Variants in G3BP2 observed in about 807,000 individuals in gnomAD.
G3BP2 encodes the protein G3BP stress granule assembly factor 2, also known as ras GTPase-activating protein-binding protein 2.
A neutral mutation model predicts 56.7 loss-of-function variants in G3BP2; 11 were observed. The ratio of observed to expected loss-of-function variants is 0.19; its 90% CI spans 0.12 to 0.32. The LOEUF (loss-of-function observed/expected upper bound fraction) is 0.32. Among genes scored for constraint, G3BP2 ranks in the 10% least tolerant of loss-of-function variants. The probability of loss-of-function intolerance (pLI) is 1.00; values close to 1 mark genes in which losing one functional copy is unlikely to be tolerated. For missense variants in G3BP2, 340 were observed against 610.9 expected, an observed-to-expected ratio of 0.56 and a Z score of 4.67; for synonymous variants, 165 against 191.6, an observed-to-expected ratio of 0.86 and a Z score of 1.15.
intron 1 of G3BP2, among the ~76,000 whole-genome samples, chr4:75,671,678 T>C (rs577659332): frequency 5.9e-5 from 9 of 152,344 alleles, no homozygotes; most frequent in East Asian, 5.8e-4. Flanking sequence ...CTACAATTCC[T>C]TGACTGCTTT....
intron 1 of G3BP2, among the ~76,000 whole-genome samples, chr4:75,666,745 A>G (rs1166080638): frequency 6.6e-6 from 1 of 151,810 alleles, no homozygotes; most frequent in Non-Finnish European, 1.5e-5. Context: ...TACAAGAAGA[A>G]AGAATTGTGC....
chr4:75,675,455 T>C (rs746602735), upstream of G3BP2, among the ~76,000 whole-genome samples: 63 of 152,184 alleles, frequency 4.1e-4, 1 homozygote, highest in Non-Finnish European at 7.6e-4. Flanking sequence ...TAACAAGTTC[T>C]CAGCTGATGG....
At chr4:75,679,228 T>C (rs1391374601) in intron 3 of G3BP2, among the ~76,000 whole-genome samples, 1 of 152,226 alleles carries the variant, frequency 6.6e-6, no homozygotes, top group Non-Finnish European at 1.5e-5. Context: ...TACTTGAGAA[T>C]CCCAGGGCTC....
chr4:75,662,159 T>C, intron 1 of G3BP2, 110 bp from the exon 2 acceptor site: 1 of 625,108 alleles, frequency 1.6e-6, no homozygotes, highest in Non-Finnish European at 2.9e-6. Flanking sequence ...TGTATACCAA[T>C]TTTAGTGACA....
At chr4:75,704,012 G>GTTTTTTTTTTTTT (rs11315970) in intron 3 of G3BP2, among the ~76,000 whole-genome samples, 3 of 138,960 alleles carry the variant, frequency 2.2e-5, no homozygotes, top group African/African-American at 2.7e-5. Context: ...TCTATGAAAG[G>GTTTTTTTTTTTTT]TTTTTTTTTT....
chr4:75,707,788 G>A (rs1719609558), intron 3 of G3BP2, among the ~76,000 whole-genome samples: 1 of 152,038 alleles, frequency 6.6e-6, no homozygotes, highest in South Asian at 2.1e-4. Context: ...AAACTTTGTG[G>A]CATTTACTTA....
intron 3 of G3BP2, among the ~76,000 whole-genome samples, chr4:75,706,135 C>A: frequency 6.6e-6 from 1 of 152,134 alleles, no homozygotes; most frequent in Non-Finnish European, 1.5e-5. Flanking sequence ...GTTAAGTAAC[C>A]AGATGTAACT....
intron 3 of G3BP2, among the ~76,000 whole-genome samples, chr4:75,699,179 G>T (rs944003046): frequency 6.6e-6 from 1 of 152,068 alleles, no homozygotes; most frequent in Non-Finnish European, 1.5e-5. Context: ...TGGCTCATTT[G>T]TACCAGCATA....
chr4:75,709,821 C>T (rs1286918340), intron 3 of G3BP2, among the ~76,000 whole-genome samples: 1 of 149,120 alleles, frequency 6.7e-6, no homozygotes, highest in Non-Finnish European at 1.5e-5. Flanking sequence ...AGGCACACAT[C>T]ACTGCACCCA....
At chr4:75,674,163 G>T (rs1733737796), upstream of G3BP2, among the ~76,000 whole-genome samples, 1 of 152,168 alleles carries the variant, frequency 6.6e-6, no homozygotes, top group South Asian at 2.1e-4. Flanking sequence ...CATGGACAAA[G>T]CCAAGCCAAA....
In G3BP2 at chr4:75,644,856, C is replaced by G. The variant is rs1454827734; in HGVS notation, c.*574G>C. On this transcript the variant is annotated 3_prime_UTR_variant, in exon 12 of 12. Transcript: ENST00000359707. Reference sequence around the variant, plus strand: ...CAGCAAGCAGATAAAATGCCCTCATCATTTCACAAACTATTTTCTACTGGA... The same window carrying G: ...CAGCAAGCAGATAAAATGCCCTCATGATTTCACAAACTATTTTCTACTGGA... 2 of 153,010 alleles carry G rather than the reference C, an allele frequency of 1.3e-5. No individual in the cohort carries two copies. The highest frequency in any genetic ancestry group is 2.1e-4 in the South Asian group (1 of 4,842). 9.5% of individuals were successfully genotyped at this position (153,010 alleles called of 1,614,324 possible).
At chr4:75,722,521 GT>G (rs1310694282) in intron 1 of G3BP2, among the ~76,000 whole-genome samples, 34 of 152,288 alleles carry the variant, frequency 2.2e-4, no homozygotes, top group African/African-American at 7.2e-4. Flanking sequence ...ATGGGGTAGA[GT>G]GAGTTTCAGG....
At chr4:75,687,320 A>G (rs1275463462) in intron 3 of G3BP2, among the ~76,000 whole-genome samples, 2 of 152,196 alleles carry the variant, frequency 1.3e-5, no homozygotes, top group African/African-American at 4.8e-5. Flanking sequence ...TTCCCTGCAC[A>G]GGCTTTCTGT....
chr4:75,675,295 T>G (rs976243814), upstream of G3BP2, among the ~76,000 whole-genome samples: 1 of 152,222 alleles, frequency 6.6e-6, no homozygotes, highest in Admixed American at 6.5e-5. Context: ...TTCTTCACCA[T>G]GTATCCTGCA....
At position 75,655,070 on chromosome 4, in the gene G3BP2, G is replaced by C; in HGVS notation, c.722C>G (p.Pro241Arg). 1 of 1,608,104 alleles carries C rather than the reference G, an allele frequency of 6.2e-7. No individual in the cohort carries two copies. The highest frequency in any genetic ancestry group is 1.1e-5 in the South Asian group (1 of 90,268). Residue 241 changes from proline (P) to arginine (R), a missense_variant, in exon 7 of 12, where the codon CCA (proline) becomes CGA (arginine). Physicochemically the swap from Pro to Arg is moderately radical, Grantham distance 103 (BLOSUM62 -2). Coordinates refer to ENST00000359707, the MANE Select transcript of G3BP2 (RefSeq NM_203505.3). ...TAAAGAGTTCTTTGATCTAACCTTTGGTGGTTCTTGTGGCAGAGAAACAGG... is the reference window on the plus strand; with the variant it reads ...TAAAGAGTTCTTTGATCTAACCTTTCGTGGTTCTTGTGGCAGAGAAACAGG... ...AEPVSLPQEP[P>R]KAFSWASVTS...
intron 3 of G3BP2, among the ~76,000 whole-genome samples, chr4:75,702,579 G>A (rs1166790298): frequency 6.6e-6 from 1 of 152,182 alleles, no homozygotes; most frequent in African/African-American, 2.4e-5. Flanking sequence ...CCCCAGGAAT[G>A]GAAACTAAGA....
chr4:75,690,414 A>G (rs1332451445), intron 3 of G3BP2, among the ~76,000 whole-genome samples: 2 of 151,558 alleles, frequency 1.3e-5, no homozygotes, highest in Admixed American at 6.6e-5. Flanking sequence ...CCTGGGCAAC[A>G]AGAGCAAAAC....
chr4:75,717,294 G>T (rs1719965766), intron 3 of G3BP2, among the ~76,000 whole-genome samples: 1 of 152,094 alleles, frequency 6.6e-6, no homozygotes, highest in African/African-American at 2.4e-5. Flanking sequence ...ATAAAAATTA[G>T]CTGGGTGTGG....
At chr4:75,720,745 G>A (rs1171493994) in intron 3 of G3BP2, among the ~76,000 whole-genome samples, 3 of 150,842 alleles carry the variant, frequency 2.0e-5, no homozygotes, top group East Asian at 2.0e-4. Flanking sequence ...GCAGTGAGCC[G>A]AGATCGCGCC....
Sources: allele counts gnomAD v4.1 joint callset (sites outside exome capture counted in the v4.1 genomes callset), GRCh38; gene constraint gnomAD v4.1.1; transcripts MANE v1.5; gene names NCBI Gene and HGNC (gene_info 2026-07-23, HGNC 2026-07-21).